UBL3: variants seen among roughly 807,000 people sequenced by gnomAD.
UBL3 encodes ubiquitin like 3.
UBL3 carries 6 observed loss-of-function variants against 18.4 expected under a neutral mutation model. That is an observed-to-expected ratio of 0.33 (90% CI 0.18 to 0.64). UBL3 has a LOEUF of 0.64. Among genes scored for constraint, UBL3 ranks in the 30% least tolerant of loss-of-function variants. UBL3 has a pLI of 0.76. For missense variants in UBL3, 109 were observed against 142.9 expected, an observed-to-expected ratio of 0.76 and a Z score of 1.21; for synonymous variants, 49 against 46.6, an observed-to-expected ratio of 1.05 and a Z score of -0.21.
intron 1 of UBL3, among the ~76,000 whole-genome samples, chr13:29,795,259 T>G (rs1877579241): frequency 6.6e-6 from 1 of 152,152 alleles, no homozygotes; most frequent in Admixed American, 6.5e-5. Flanking sequence ...AGGCTTAACT[T>G]GTAAATCCAT....
rs548354273 is a variant in UBL3, at chr13:29,793,543, TTTC to T, written c.28-16283_28-16281del. Among the ~76,000 whole-genome samples the T allele has an allele frequency of 2.0e-3, 303 of 152,320 alleles. 1 individual carries two copies. The highest frequency in any genetic ancestry group is 6.0e-3 in the East Asian group (31 of 5,190). On this transcript the variant is annotated intron_variant, in intron 1 of 4. Coordinates refer to ENST00000380680, the MANE Select transcript of UBL3 (RefSeq NM_007106.4). ...CAATGTTCTATTTATTTATTTTAGT[TTTC>T]TTCTTATTACTTTAATATTCTAAAT...
chr13:29,772,621 A>G (rs980770688), intron 2 of UBL3, among the ~76,000 whole-genome samples: 1 of 152,136 alleles, frequency 6.6e-6, no homozygotes, highest in African/African-American at 2.4e-5. Context: ...CAGGCTTAAC[A>G]AAGATCTAAA....
intron 1 of UBL3, among the ~76,000 whole-genome samples, chr13:29,839,436 T>C (rs1033317007): frequency 2.6e-5 from 4 of 152,166 alleles, no homozygotes; most frequent in African/African-American, 9.6e-5. Flanking sequence ...TCCATCTAAG[T>C]TGCATTTAGA....
intron 1 of UBL3, among the ~76,000 whole-genome samples, chr13:29,784,577 AAAC>A (rs1877260609): frequency 6.6e-6 from 1 of 152,050 alleles, no homozygotes; most frequent in East Asian, 1.9e-4. Context: ...AAAAAAAAAA[AAAC>A]AACTCCCGAC....
intron 1 of UBL3, among the ~76,000 whole-genome samples, chr13:29,800,547 A>G (rs1877734078): frequency 6.6e-6 from 1 of 152,264 alleles, no homozygotes; most frequent in Admixed American, 6.5e-5. Flanking sequence ...GACATATAAA[A>G]ATGTTGTCTT....
intron 1 of UBL3, among the ~76,000 whole-genome samples, chr13:29,835,837 T>C (rs960565704): frequency 4.7e-5 from 7 of 150,468 alleles, no homozygotes; most frequent in African/African-American, 9.8e-5. Context: ...ATAGGGCTTG[T>C]AGCATGTTTG....
rs1876654724 is a variant in UBL3, at chr13:29,765,565, T to A, written c.*1690A>T. ...TAGAAAACATGAATGAGACGGTGCT[T>A]AAACAATTATTGACCTAATCAAGAC... On this transcript the variant is annotated 3_prime_UTR_variant, in exon 5 of 5. Coordinates refer to ENST00000380680, the MANE Select transcript of UBL3 (RefSeq NM_007106.4). 6.6e-6 allele frequency: 1 copy of A among 152,482 alleles called. No homozygotes were observed. The highest frequency in any genetic ancestry group is 2.4e-5 in the African/African-American group (1 of 41,444). 9.4% of individuals were successfully genotyped at this position (152,482 alleles called of 1,614,324 possible).
Position 29,767,171 on chromosome 13 carries a change from G to A in UBL3, c.*84C>T, listed in dbSNP as rs555502751. 8.1e-6 allele frequency: 12 copies of A among 1,480,558 alleles called. No homozygotes were observed. Among genetic ancestry groups the A allele is most frequent in the East Asian group, 6.8e-5 (3 of 43,970 alleles). The allele number at this position is 1,480,558 out of a possible 1,614,324, so 91.7% of individuals were successfully genotyped here. A position where few individuals can be genotyped will look rare whatever the true frequency, so the allele number is the denominator to read the frequency against. On this transcript the variant is annotated 3_prime_UTR_variant, in exon 5 of 5. Coordinates refer to ENST00000380680, the MANE Select transcript of UBL3 (RefSeq NM_007106.4). ...TGTTTACAGGCAGACTGTTCTGAAC[G>A]GTTTCTGAAGCAATGTCGGGTCTTT...
At chr13:29,802,867 T>C (rs1470067990) in intron 1 of UBL3, among the ~76,000 whole-genome samples, 1 of 152,220 alleles carries the variant, frequency 6.6e-6, no homozygotes, top group Non-Finnish European at 1.5e-5. Context: ...AGTAAGCAAC[T>C]TGGGAAACAT....
chr13:29,799,752 T>C (rs1877712092), intron 1 of UBL3, among the ~76,000 whole-genome samples: 1 of 152,228 alleles, frequency 6.6e-6, no homozygotes, highest in South Asian at 2.1e-4. Flanking sequence ...TCACCTCACT[T>C]CTACATGGCA....
chr13:29,833,655 A>G (rs7316971), intron 1 of UBL3, among the ~76,000 whole-genome samples: 3,744 of 152,188 alleles, frequency 0.025, 45 homozygotes, highest in Middle Eastern at 0.031. Flanking sequence ...TGATCCCACT[A>G]TTTAAAACTG....
chr13:29,825,332 C>G (rs1434586830), intron 1 of UBL3, among the ~76,000 whole-genome samples: 1 of 152,186 alleles, frequency 6.6e-6, no homozygotes, highest in African/African-American at 2.4e-5. Flanking sequence ...TCCTATCCAT[C>G]AGCATGGAAT....
intron 1 of UBL3, among the ~76,000 whole-genome samples, chr13:29,840,403 T>C (rs929791339): frequency 3.9e-5 from 6 of 152,192 alleles, no homozygotes; most frequent in African/African-American, 1.2e-4. Context: ...TTTCAAACAT[T>C]TGTGGATGGA....
intron 1 of UBL3, among the ~76,000 whole-genome samples, chr13:29,835,107 AATATATATAT>A (rs777840058): frequency 5.9e-4 from 14 of 23,792 alleles, no homozygotes; most frequent in African/African-American, 2.8e-3. Flanking sequence ...TATATATATA[AATATATATAT>A]ATATATAAAT....
chr13:29,802,289 CT>C, intron 1 of UBL3, among the ~76,000 whole-genome samples: 1 of 152,306 alleles, frequency 6.6e-6, no homozygotes, highest in South Asian at 2.1e-4. Context: ...AAGCTTTGGC[CT>C]TCTGAAAACA....
chr13:29,828,536 T>C (rs911294043), intron 1 of UBL3, among the ~76,000 whole-genome samples: 6 of 152,198 alleles, frequency 3.9e-5, no homozygotes, highest in Non-Finnish European at 7.3e-5. Context: ...TCAGGTCATT[T>C]AAGGACTTCT....
At chr13:29,816,416 T>C (rs1426486217) in intron 1 of UBL3, among the ~76,000 whole-genome samples, 2 of 152,128 alleles carry the variant, frequency 1.3e-5, no homozygotes, top group African/African-American at 2.4e-5. Context: ...TGTGCTGAAG[T>C]AATCAGTTTT....
chr13:29,803,053 G>C (rs1877811748), intron 1 of UBL3, among the ~76,000 whole-genome samples: 1 of 152,154 alleles, frequency 6.6e-6, no homozygotes, highest in South Asian at 2.1e-4. Flanking sequence ...AGCAGCTAGA[G>C]AGAAGAGGCA....
intron 1 of UBL3, among the ~76,000 whole-genome samples, chr13:29,818,453 T>A (rs1878341666): frequency 6.6e-6 from 1 of 152,320 alleles, no homozygotes; most frequent in Admixed American, 6.5e-5. Flanking sequence ...CAAATAACTA[T>A]TTTCTTCCTT....
Sources: allele counts gnomAD v4.1 joint callset (sites outside exome capture counted in the v4.1 genomes callset), GRCh38; gene constraint gnomAD v4.1.1; transcripts MANE v1.5; gene names NCBI Gene and HGNC (gene_info 2026-07-23, HGNC 2026-07-21).